ADCY6: variants seen among roughly 807,000 people sequenced by gnomAD.
The protein encoded by ADCY6 is adenylate cyclase type 6.
A neutral mutation model predicts 111.6 loss-of-function variants in ADCY6; 59 were observed. The observed-to-expected ratio is 0.53, with a 90% CI of 0.43 to 0.66. The LOEUF (loss-of-function observed/expected upper bound fraction) is 0.66, where lower values mean the gene tolerates loss of function less well. Ranked by LOEUF, ADCY6 falls within the 30% of genes least tolerant of loss-of-function variation. The pLI, the probability that ADCY6 is intolerant of heterozygous loss-of-function variation, is 0.00. For missense variants in ADCY6, 1,242 were observed against 1,595.6 expected (o/e 0.78, Z 3.78); for synonymous variants, 576 against 642.9 (o/e 0.90, Z 1.57).
chr12:48,778,062 T>C, intron 3 of ADCY6, 46 bp downstream of exon 3: 1 of 1,571,640 alleles, frequency 6.4e-7, no homozygotes, highest in South Asian at 1.2e-5. Flanking sequence ...GCAAGTTATT[T>C]GGGGGTAAGG....
At chr12:48,774,589 C>T in intron 13 of ADCY6, 71 bp from the exon 14 acceptor site, 1 of 1,572,842 alleles carries the variant, frequency 6.4e-7, no homozygotes, top group Non-Finnish European at 8.7e-7. Context: ...GGGATGGGGC[C>T]CAGTGGAAGA....
rs1941708836 is a variant in ADCY6 at position 48,776,531 on chromosome 12, C to T, written c.1432G>A (p.Gly478Arg). 3.7e-6 allele frequency: 6 copies of T among 1,613,840 alleles called. No individual in the cohort carries two copies. The highest frequency in any genetic ancestry group is 5.1e-6 in the Non-Finnish European group (6 of 1,180,010). ...NVNMRVGIHS[G>R]RVHCGVLGLR... Reference sequence around the variant, plus strand: ...CCAAGGACGCCGCAGTGCACGCGCCCGCTGTGGATGCCCACGCGCATGTTC... The same window carrying T: ...CCAAGGACGCCGCAGTGCACGCGCCTGCTGTGGATGCCCACGCGCATGTTC... Residue 478 changes from glycine to arginine, a missense_variant, in exon 7 of 22, where the codon GGG becomes AGG. Physicochemically the swap from Gly to Arg is moderately radical, Grantham distance 125 (BLOSUM62 -2). Coordinates refer to ENST00000357869, the MANE Select transcript of ADCY6 (RefSeq NM_015270.5). This position sits in a 1 kb window ranked among gnomAD's most constrained non-coding sequence, Gnocchi z 6.1.
Position 48,771,049 on chromosome 12 carries a change from G to A in ADCY6, c.3052-79C>T, listed in dbSNP as rs972633257. ...TGCCCCAACACTCATTTCTTGCCAC[G>A]CCTTGGCTGCCTTCCCCACTTCCCT... On this transcript the variant is annotated intron_variant, in intron 19 of 21. Transcript: ENST00000357869. The surrounding 1 kb of genome is among the most constrained non-coding windows in gnomAD (Gnocchi z 4.3). The A allele has an allele frequency of 9.4e-6, 13 of 1,381,356 alleles. No homozygotes were observed. The highest frequency in any genetic ancestry group is 3.9e-5 in the Admixed American group (2 of 51,190). The allele number at this position is 1,381,356 out of a possible 1,614,324, so 85.6% of individuals were successfully genotyped here.
chr12:48,773,675 G>A (rs140866554), intron 15 of ADCY6, 28 bp from the exon 16 acceptor site: 2 of 1,613,508 alleles, frequency 1.2e-6, no homozygotes, highest in Non-Finnish European at 8.5e-7. Flanking sequence ...GCAGCGTTGG[G>A]TGAAGGCAGA....
At position 48,782,976 on chromosome 12, in the gene ADCY6, C is replaced by T. The variant is rs1402922923; in HGVS notation, c.459G>A (p.Thr153=). 5 of 1,613,728 alleles carry T rather than the reference C, an allele frequency of 3.1e-6. No homozygotes were observed. The South Asian group carries it at 4.4e-5, about 14-fold the overall frequency. The part of the protein sequence containing the change: ...YFFQMNQSSL[T]LLMAVLVLLT... ...GCAGCACCAGCACCGCCATCAGCAG[C>T]GTCAGGCTGCTCTGGTTCATCTGGA... Residue 153 remains threonine (T), a synonymous_variant, in exon 2 of 22, where the codon ACG becomes ACA. Coordinates refer to ENST00000357869, the MANE Select transcript of ADCY6 (RefSeq NM_015270.5). This position sits in a 1 kb window ranked among gnomAD's most constrained non-coding sequence, Gnocchi z 4.3.
chr12:48,781,403 T>C lies in ADCY6; in HGVS notation c.864+1168A>G, dbSNP rs530030920. Among the ~76,000 whole-genome samples the C allele has an allele frequency of 5.3e-5, 8 of 152,250 alleles. No homozygotes were observed. In the South Asian group the frequency reaches 6.2e-4, roughly 12 times the overall value. The stretch of plus-strand genomic sequence containing the variant: ...ACAGCACTCTCTAGTTAGGGTCCAG[T>C]GGAGGACCCAGGCGCTGTGCTGATG... On this transcript the variant is annotated intron_variant, in intron 2 of 21. Transcript: ENST00000357869.
Position 48,776,229 on chromosome 12 carries a change from G to A in ADCY6, c.1657C>T (p.Leu553=), listed in dbSNP as rs1300046447. The change falls in exon 8 of 22, where the codon CTG becomes TTG. Residue 553 remains leucine, a synonymous_variant. Transcript: ENST00000357869. This position sits in a 1 kb window ranked among gnomAD's most constrained non-coding sequence, Gnocchi z 6.1. The part of the protein sequence containing the change: ...KEQHIETFLI[L]GASQKRKEEK... ...CTGACCCGTTTCTGGCTGGCGCCCA[G>A]GATGAGGAAAGTCTCAATGTGCTGC... 2 of 1,614,128 alleles carry A rather than the reference G, an allele frequency of 1.2e-6. No homozygotes were observed. Among genetic ancestry groups the A allele is most frequent in the South Asian group, 1.1e-5 (1 of 91,094 alleles).
At chr12:48,778,985 C>G (rs1219735611) in intron 2 of ADCY6, among the ~76,000 whole-genome samples, 1 of 135,546 alleles carries the variant, frequency 7.4e-6, no homozygotes, top group Non-Finnish European at 1.5e-5. Flanking sequence ...TCAAGCGATT[C>G]TCCTGCCTCA....
Position 48,771,040 on chromosome 12 carries a change from T to C in ADCY6, c.3052-70A>G. ...ACCCAGCCCTGCCCCAACACTCATT[T>C]CTTGCCACGCCTTGGCTGCCTTCCC... On this transcript the variant is annotated intron_variant, in intron 19 of 21. Transcript: ENST00000357869. The surrounding 1 kb of genome is among the most constrained non-coding windows in gnomAD (Gnocchi z 4.3). The C allele has an allele frequency of 6.7e-7, 1 of 1,498,326 alleles. No homozygotes were observed. The highest frequency in any genetic ancestry group is 9.1e-7 in the Non-Finnish European group (1 of 1,095,340). The allele number at this position is 1,498,326 out of a possible 1,614,324, so 92.8% of individuals were successfully genotyped here.
rs1941670455 is a variant in ADCY6 at position 48,775,446 on chromosome 12, C to T, written c.1837G>A (p.Gly613Ser). The T allele has an allele frequency of 6.2e-7, 1 of 1,614,024 alleles. No individual in the cohort carries two copies. The highest frequency in any genetic ancestry group is 2.2e-5 in the East Asian group (1 of 44,868). ...TCAGGGTTCAGGGCATCTTGGGTGC[C>T]CCGGCTGAGGGCAGGAGACATGGTT... ...GIDDSSKDNR[G>S]TQDALNPEDE... Residue 613 changes from glycine to serine, a missense_variant, in exon 11 of 22, where the codon GGC becomes AGC. This residue lies in a region of ADCY6 where 375 missense variants were observed against 432.5 expected (regional missense o/e 0.87). Transcript: ENST00000357869.
At chr12:48,774,123 G>T in intron 14 of ADCY6, 25 bp from the exon 15 acceptor site, 1 of 1,591,342 alleles carries the variant, frequency 6.3e-7, no homozygotes, top group East Asian at 2.3e-5. Context: ...GGGTATATCA[G>T]GGTAACCAAG....
Position 48,775,686 on chromosome 12 carries a change from AATC to A in ADCY6, c.1816_1818del (p.Asp606del). 1 of 1,613,534 alleles carries A rather than the reference AATC, an allele frequency of 6.2e-7. No homozygotes were observed. The highest frequency in any genetic ancestry group is 8.5e-7 in the Non-Finnish European group (1 of 1,179,632). ...AACCTGACTTACTTGTCTTTGCTGG[AATC>A]ATCAATGCCCTGGAGAAAGGGACAG... On this transcript the variant is annotated inframe_deletion, in exon 10 of 22. Transcript: ENST00000357869.
chr12:48,780,323 C>T (rs1941810507), intron 2 of ADCY6, among the ~76,000 whole-genome samples: 1 of 152,124 alleles, frequency 6.6e-6, no homozygotes, highest in Admixed American at 6.5e-5. Context: ...GACAAAGTCT[C>T]CTTCCTGTGA....
At chr12:48,773,430 A>G (rs779060881) in intron 16 of ADCY6, 39 bp downstream of exon 16, 2 of 1,597,696 alleles carry the variant, frequency 1.3e-6, no homozygotes, top group African/African-American at 1.3e-5. Flanking sequence ...AAGGTGAGGG[A>G]AGCTCCTGGG....
rs779018907 is a variant in ADCY6 at position 48,778,276 on chromosome 12, G to A, written c.865-19C>T. On this transcript the variant is annotated intron_variant, in intron 2 of 21. Coordinates refer to ENST00000357869, the MANE Select transcript of ADCY6 (RefSeq NM_015270.5). ...CACCGAGCTGCAGGAGGTGGCAGAG[G>A]CAGACAGTGACCATCTCCTCTGCCT... 1 of 1,613,936 alleles carries A rather than the reference G, an allele frequency of 6.2e-7. No homozygotes were observed. The highest frequency in any genetic ancestry group is 8.5e-7 in the Non-Finnish European group (1 of 1,179,998).
At chr12:48,787,664 C>T (rs1592167978) in intron 1 of ADCY6, among the ~76,000 whole-genome samples, 1 of 152,222 alleles carries the variant, frequency 6.6e-6, no homozygotes, top group South Asian at 2.1e-4. Flanking sequence ...GCACAGACCA[C>T]CTCCCTCCTC....
In ADCY6 at chr12:48,769,830, C is replaced by T. The variant is rs369695886; in HGVS notation, c.3257-769G>A. On this transcript the variant is annotated intron_variant, in intron 20 of 21. Coordinates refer to ENST00000357869, the MANE Select transcript of ADCY6 (RefSeq NM_015270.5). ...AGGCTGGAGTGCAGTGGCACCATCT[C>T]GGCTCACTGCAAGCTCCGCCTCCCG... Among the ~76,000 whole-genome samples, 9 of 150,086 alleles carry T rather than the reference C, an allele frequency of 6.0e-5. No individual in the cohort carries two copies. The South Asian group carries it at 1.3e-3, about 21-fold the overall frequency.
At chr12:48,789,405 G>A (rs1021966603), upstream of ADCY6, among the ~76,000 whole-genome samples, 2 of 151,868 alleles carry the variant, frequency 1.3e-5, no homozygotes, top group Admixed American at 6.5e-5. Flanking sequence ...CGCCTCCTCC[G>A]GCATTCCTCT....
At chr12:48,778,067 G>T (rs1354168897) in intron 3 of ADCY6, 41 bp downstream of exon 3, 15 of 1,575,896 alleles carry the variant, frequency 9.5e-6, no homozygotes, top group Non-Finnish European at 1.3e-5. Flanking sequence ...TTATTTGGGG[G>T]TAAGGTGGGG....
Sources: gnomAD v4.1 joint callset for allele counts (sites outside exome capture counted in the v4.1 genomes callset) on GRCh38, gnomAD v4.1.1 for gene constraint, gnomAD v4.1.1 regional missense constraint, Gnocchi (gnomAD v3.1) non-coding constraint, MANE v1.5 for transcripts, NCBI Gene and HGNC (gene_info 2026-07-23, HGNC 2026-07-21) for gene names.